The following PDE4D variants were observed in gnomAD, a reference collection of about 807,000 sequenced individuals.
The protein encoded by PDE4D is phosphodiesterase 4D, also known as 3',5'-cyclic-AMP phosphodiesterase 4D.
A neutral mutation model predicts 87.4 loss-of-function variants in PDE4D; 24 were observed. The ratio of observed to expected loss-of-function variants is 0.27; its 90% confidence interval spans 0.20 to 0.39. The LOEUF (loss-of-function observed/expected upper bound fraction) is 0.39. Among genes scored for constraint, PDE4D ranks in the 10% least tolerant of loss-of-function variants. PDE4D has a pLI of 1.00. For synonymous variants in PDE4D, 384 were observed against 383.2 expected, an observed-to-expected ratio of 1.00 and a Z score of -0.02; for missense variants, 714 against 1,041.0, an observed-to-expected ratio of 0.69 and a Z score of 4.32.
intron 1 of PDE4D, among the ~76,000 whole-genome samples, chr5:60,440,253 C>T (rs1055310582): frequency 5.3e-5 from 8 of 152,098 alleles, no homozygotes; most frequent in African/African-American, 1.4e-4. Flanking sequence ...GATTTCTTAT[C>T]CAAAACCTAC....
Position 59,617,464 on chromosome 5 carries a change from C to T in PDE4D, c.455+275704G>A, listed in dbSNP as rs116769819. 7.1e-3 allele frequency among the ~76,000 whole-genome samples: 1,087 copies of T among 152,252 alleles called. 17 individuals are homozygous for T. Among genetic ancestry groups the T allele is most frequent in the African/African-American group, 0.024 (1,005 of 41,544 alleles). On this transcript the variant is annotated intron_variant, in intron 1 of 14. Coordinates refer to ENST00000340635, the MANE Select transcript of PDE4D (RefSeq NM_001104631.2). ...ATCATGTGTTGAAGTCCTAACTCCT[C>T]GTACGTGAGAATGTGACCTTACTGG...
rs573678601 is a variant in PDE4D, at chr5:59,953,202, TAC to T, written c.272+35284_272+35285del. 3.9e-3 allele frequency among the ~76,000 whole-genome samples: 588 copies of T among 152,266 alleles called. 5 individuals are homozygous for T. The highest frequency in any genetic ancestry group is 0.014 in the African/African-American group (565 of 41,550). ...TTCTAGCCACTTATGTAGAAATGTT[TAC>T]AGACTATAAGAAATGGTTTCATGTT... On this transcript the variant is annotated intron_variant, in intron 3 of 16. Transcript: ENST00000502484.
At chr5:59,143,785 A>G (rs966287905) in intron 5 of PDE4D, among the ~76,000 whole-genome samples, 2 of 152,346 alleles carry the variant, frequency 1.3e-5, no homozygotes, top group South Asian at 4.1e-4. Flanking sequence ...TTCAAATGTC[A>G]TTTTGTAACA....
At chr5:60,417,489 G>A (rs1742709304) in intron 1 of PDE4D, among the ~76,000 whole-genome samples, 1 of 152,162 alleles carries the variant, frequency 6.6e-6, no homozygotes, top group African/African-American at 2.4e-5. Context: ...TAACACACTT[G>A]TTTCTCAGAG....
chr5:60,520,822 C>T (rs917765603), intron 1 of PDE4D, among the ~76,000 whole-genome samples: 2 of 152,118 alleles, frequency 1.3e-5, no homozygotes, highest in East Asian at 1.9e-4. Context: ...CCTAAAGATT[C>T]CCCCAAAATC....
At chr5:59,088,236 A>G (rs983255251) in intron 5 of PDE4D, among the ~76,000 whole-genome samples, 1 of 152,152 alleles carries the variant, frequency 6.6e-6, no homozygotes, top group African/African-American at 2.4e-5. Flanking sequence ...ACACTTTATT[A>G]TTGTGCCATC....
At chr5:59,983,218 C>T (rs1345426012) in intron 3 of PDE4D, among the ~76,000 whole-genome samples, 3 of 152,060 alleles carry the variant, frequency 2.0e-5, no homozygotes. Context: ...GCTTGGATGT[C>T]TTATTTGCCA....
chr5:60,497,541 C>G (rs1749872647), intron 1 of PDE4D, among the ~76,000 whole-genome samples: 1 of 151,852 alleles, frequency 6.6e-6, no homozygotes. Flanking sequence ...CAGCTGGGAT[C>G]ATAGGCACAT....
intron 1 of PDE4D, among the ~76,000 whole-genome samples, chr5:60,507,310 G>A (rs1317169626): frequency 1.3e-5 from 2 of 152,062 alleles, no homozygotes; most frequent in African/African-American, 4.8e-5. Context: ...CCTGACCTCA[G>A]GCGATCCACC....
chr5:59,506,670 A>C (rs1809324055), intron 1 of PDE4D, among the ~76,000 whole-genome samples: 1 of 152,188 alleles, frequency 6.6e-6, no homozygotes, highest in Admixed American at 6.5e-5. Context: ...ACACTTCAAA[A>C]GTCCAGAAAA....
chr5:59,738,216 G>A (rs1366946863), intron 1 of PDE4D, among the ~76,000 whole-genome samples: 1 of 152,082 alleles, frequency 6.6e-6, no homozygotes, highest in African/African-American at 2.4e-5. Flanking sequence ...ACGCAATGCT[G>A]AGCAACACAT....
In PDE4D at chr5:59,299,823, T is replaced by C. The variant is rs181086267; in HGVS notation, c.456-83855A>G. ...CGAGAAACACTGGAATAAAAAAAAATGCTCGCCCAGGCGCAGTGGCTCACG... is the reference window on the plus strand; with the variant it reads ...CGAGAAACACTGGAATAAAAAAAAACGCTCGCCCAGGCGCAGTGGCTCACG... On this transcript the variant is annotated intron_variant, in intron 1 of 14. Coordinates refer to ENST00000340635, the MANE Select transcript of PDE4D (RefSeq NM_001104631.2). Among the ~76,000 whole-genome samples, 400 of 151,878 alleles carry C rather than the reference T, an allele frequency of 2.6e-3. 2 individuals carry two copies. The highest frequency in any genetic ancestry group is 9.3e-3 in the African/African-American group (386 of 41,456).
At chr5:59,325,064 T>C (rs1024490756) in intron 1 of PDE4D, among the ~76,000 whole-genome samples, 5 of 152,116 alleles carry the variant, frequency 3.3e-5, no homozygotes, top group African/African-American at 1.2e-4. Context: ...AATGGAACAG[T>C]AATAGCCTTT....
At chr5:59,451,146 A>G (rs570383163) in intron 1 of PDE4D, among the ~76,000 whole-genome samples, 6 of 152,346 alleles carry the variant, frequency 3.9e-5, no homozygotes, top group Admixed American at 2.6e-4. Flanking sequence ...TCACTAAACC[A>G]ATGAACATTT....
intron 1 of PDE4D, among the ~76,000 whole-genome samples, chr5:60,276,775 T>C (rs746614981): frequency 1.4e-4 from 21 of 152,210 alleles, no homozygotes; most frequent in Non-Finnish European, 2.8e-4. Context: ...AAGTTTTTCT[T>C]TTAACACCAT....
At chr5:60,200,587 C>A (rs1371485502) in intron 1 of PDE4D, among the ~76,000 whole-genome samples, 2 of 152,158 alleles carry the variant, frequency 1.3e-5, no homozygotes, top group African/African-American at 2.4e-5. Context: ...TCAGTCAGTA[C>A]ATTTGACTCT....
chr5:59,993,929 G>A (rs1763267989), intron 2 of PDE4D, among the ~76,000 whole-genome samples: 2 of 151,912 alleles, frequency 1.3e-5, no homozygotes. Context: ...ATAATTGACA[G>A]ACAAATAACT....
chr5:59,248,656 C>T (rs1196455017), intron 1 of PDE4D, among the ~76,000 whole-genome samples: 2 of 151,158 alleles, frequency 1.3e-5, no homozygotes, highest in East Asian at 1.9e-4. Flanking sequence ...CAATGGGTTG[C>T]ACCAGAGTTC....
At chr5:59,555,159 T>G (rs1399811869) in intron 1 of PDE4D, among the ~76,000 whole-genome samples, 1 of 152,194 alleles carries the variant, frequency 6.6e-6, no homozygotes, top group African/African-American at 2.4e-5. Flanking sequence ...CATAATGGAA[T>G]GCTATACAGT....
Sources: allele counts gnomAD v4.1 joint callset (sites outside exome capture counted in the v4.1 genomes callset), GRCh38; gene constraint gnomAD v4.1.1; transcripts MANE v1.5; gene names NCBI Gene and HGNC (gene_info 2026-07-23, HGNC 2026-07-21).